LRRTM3: variants seen among roughly 807,000 people sequenced by gnomAD.
The protein encoded by LRRTM3 is leucine-rich repeat transmembrane neuronal protein 3.
A neutral mutation model predicts 44.7 loss-of-function variants in LRRTM3; 24 were observed. That is an observed-to-expected ratio of 0.54 (90% CI 0.39 to 0.76). The LOEUF (loss-of-function observed/expected upper bound fraction) is 0.76. Among genes scored for constraint, LRRTM3 ranks in the 30% least tolerant of loss-of-function variants. The pLI, the probability that LRRTM3 is intolerant of heterozygous loss-of-function variation, is 0.00. For synonymous variants in LRRTM3, 277 were observed against 278.7 expected (o/e 0.99, Z 0.06); for missense variants, 587 against 702.2 (o/e 0.84, Z 1.85).
rs753209248 is a variant in LRRTM3, at chr10:67,097,843, A to C, written c.*47A>C. The C allele has an allele frequency of 3.2e-6, 5 of 1,555,888 alleles. No homozygotes were observed. The African/African-American group carries it at 4.1e-5, about 13-fold the overall frequency. The stretch of plus-strand genomic sequence containing the variant: ...GGTTGCTACCAAACTTTGTAACCTC[A>C]AGGACAAAATGAGGAAGATGTGTTC... On this transcript the variant is annotated 3_prime_UTR_variant, in exon 3 of 3. Coordinates refer to ENST00000361320, the MANE Select transcript of LRRTM3 (RefSeq NM_178011.5).
intron 2 of LRRTM3, among the ~76,000 whole-genome samples, chr10:67,094,332 A>C (rs1191442181): frequency 2.0e-5 from 3 of 151,906 alleles, no homozygotes; most frequent in Non-Finnish European, 2.9e-5. Flanking sequence ...ATAGCCTTTT[A>C]ATGTCATCTC....
At chr10:66,982,001 CTT>C (rs1434781518) in intron 2 of LRRTM3, among the ~76,000 whole-genome samples, 1 of 152,184 alleles carries the variant, frequency 6.6e-6, no homozygotes, top group Non-Finnish European at 1.5e-5. Context: ...CTCTTGGTGA[CTT>C]TTGACAATAT....
At chr10:67,051,730 A>C (rs1855111243) in intron 2 of LRRTM3, among the ~76,000 whole-genome samples, 1 of 143,738 alleles carries the variant, frequency 7.0e-6, no homozygotes, top group South Asian at 2.2e-4. Flanking sequence ...AGAGGAGTGA[A>C]GTTATACACA....
intron 2 of LRRTM3, among the ~76,000 whole-genome samples, chr10:67,041,103 A>T (rs1035909014): frequency 6.6e-6 from 1 of 152,078 alleles, no homozygotes; most frequent in African/African-American, 2.4e-5. Flanking sequence ...GTCCATAGAG[A>T]TGCCAAGGTA....
intron 2 of LRRTM3, among the ~76,000 whole-genome samples, chr10:66,961,776 A>G (rs898700793): frequency 3.3e-5 from 5 of 152,114 alleles, no homozygotes; most frequent in African/African-American, 1.2e-4. Flanking sequence ...CTTAATAGAC[A>G]TTTCAAACTT....
intron 2 of LRRTM3, among the ~76,000 whole-genome samples, chr10:67,028,788 G>A (rs913019290): frequency 5.9e-5 from 9 of 152,038 alleles, no homozygotes; most frequent in Admixed American, 2.6e-4. Context: ...GCATTTTTGA[G>A]GTTTCCTCCC....
intron 2 of LRRTM3, among the ~76,000 whole-genome samples, chr10:67,051,572 G>A (rs1855102053): frequency 6.6e-6 from 1 of 150,856 alleles, no homozygotes; most frequent in Admixed American, 6.6e-5. Flanking sequence ...CGATTCTCCT[G>A]CCTCAATCAG....
At chr10:66,969,010 C>G (rs1249875905) in intron 2 of LRRTM3, among the ~76,000 whole-genome samples, 1 of 151,638 alleles carries the variant, frequency 6.6e-6, no homozygotes, top group Non-Finnish European at 1.5e-5. Flanking sequence ...GAATGAGACT[C>G]CATCTCAAAA....
chr10:66,969,371 G>A (rs764740978), intron 2 of LRRTM3, among the ~76,000 whole-genome samples: 6 of 151,746 alleles, frequency 4.0e-5, no homozygotes, highest in East Asian at 1.9e-4. Flanking sequence ...GCCTCATATC[G>A]TTCCATAAAA....
Position 66,985,830 on chromosome 10 carries a change from C to T in LRRTM3, c.1536+57378C>T, listed in dbSNP as rs144957019. ...GCAATCTTCACCTCCTGGGTTCAAG[C>T]GATTCTCATGCCTCAGCCTCCCAAG... On this transcript the variant is annotated intron_variant, in intron 2 of 2. Coordinates refer to ENST00000361320, the MANE Select transcript of LRRTM3 (RefSeq NM_178011.5). Among the ~76,000 whole-genome samples the T allele has an allele frequency of 9.4e-3, 1,431 of 152,160 alleles. 27 individuals carry two copies. Among genetic ancestry groups the T allele is most frequent in the African/African-American group, 0.032 (1,342 of 41,532 alleles).
chr10:67,026,450 A>G (rs979256691), intron 2 of LRRTM3, among the ~76,000 whole-genome samples: 5 of 152,080 alleles, frequency 3.3e-5, no homozygotes, highest in African/African-American at 1.2e-4. Flanking sequence ...AAATAAAAAC[A>G]AAATAATATA....
In LRRTM3 at chr10:67,080,957, G is replaced by A. The variant is rs143377105; in HGVS notation, c.1537-16630G>A. Among the ~76,000 whole-genome samples the A allele has an allele frequency of 9.2e-3, 1,378 of 150,068 alleles. 25 individuals are homozygous for A. The highest frequency in any genetic ancestry group is 0.032 in the African/African-American group (1,311 of 41,022). On this transcript the variant is annotated intron_variant, in intron 2 of 2. Coordinates refer to ENST00000361320, the MANE Select transcript of LRRTM3 (RefSeq NM_178011.5). ...ACAACAAAAAAAAAAAAACAAAGAA[G>A]AGGTGAAGTAACTTACCTAAAGCTA...
chr10:67,036,142 A>ATTTAT (rs992284000), intron 2 of LRRTM3, among the ~76,000 whole-genome samples: 3 of 151,748 alleles, frequency 2.0e-5, no homozygotes, highest in East Asian at 1.9e-4. Flanking sequence ...TAATTTGGGG[A>ATTTAT]TTTATTTTAT....
chr10:66,946,084 A>G (rs1848258534), intron 2 of LRRTM3, among the ~76,000 whole-genome samples: 3 of 152,224 alleles, frequency 2.0e-5, no homozygotes, highest in Admixed American at 2.0e-4. Context: ...GTTGAAAAAC[A>G]GAGCTCATAG....
chr10:66,956,137 C>T (rs1564792854), intron 2 of LRRTM3, among the ~76,000 whole-genome samples: 1 of 151,738 alleles, frequency 6.6e-6, no homozygotes, highest in Non-Finnish European at 1.5e-5. Context: ...GCTTGTTAGC[C>T]TTCATATTTC....
chr10:66,939,173 T>G (rs1244710051), intron 2 of LRRTM3, among the ~76,000 whole-genome samples: 2 of 152,186 alleles, frequency 1.3e-5, no homozygotes, highest in African/African-American at 4.8e-5. Context: ...AATGCTCATC[T>G]TTTTTACCTC....
intron 2 of LRRTM3, among the ~76,000 whole-genome samples, chr10:67,052,008 G>A (rs1361717883): frequency 1.3e-5 from 2 of 152,040 alleles, no homozygotes; most frequent in African/African-American, 4.8e-5. Flanking sequence ...GCCCACCTCA[G>A]CCTCCCAAAG....
chr10:67,074,902 T>C (rs1358348041), intron 2 of LRRTM3, among the ~76,000 whole-genome samples: 3 of 152,126 alleles, frequency 2.0e-5, no homozygotes, highest in Admixed American at 6.5e-5. Flanking sequence ...ATTAAAATGG[T>C]CTATATTTAA....
At chr10:67,002,507 T>C (rs1851746254) in intron 2 of LRRTM3, among the ~76,000 whole-genome samples, 1 of 152,138 alleles carries the variant, frequency 6.6e-6, no homozygotes, top group Admixed American at 6.6e-5. Flanking sequence ...TATTTATGGT[T>C]GAGGAGCAGA....
Sources: gnomAD v4.1 joint callset for allele counts (sites outside exome capture counted in the v4.1 genomes callset) on GRCh38, gnomAD v4.1.1 for gene constraint, MANE v1.5 for transcripts, NCBI Gene and HGNC (gene_info 2026-07-23, HGNC 2026-07-21) for gene names.